TM4SF18: variants seen among roughly 807,000 people sequenced by gnomAD.
TM4SF18 encodes the protein transmembrane 4 L6 family member 18.
In TM4SF18, 22 loss-of-function variants were observed where a neutral mutation model predicts 23.8. The observed-to-expected ratio is 0.92, with a 90% CI of 0.66 to 1.32. TM4SF18 has a LOEUF of 1.32. Ranked by LOEUF, TM4SF18 falls within the 40% of genes most tolerant of loss-of-function variation. The pLI, the probability that TM4SF18 is intolerant of heterozygous loss-of-function variation, is 0.00. For synonymous variants in TM4SF18, 87 were observed against 87.9 expected, an observed-to-expected ratio of 0.99 and a Z score of 0.06; for missense variants, 255 against 240.3, an observed-to-expected ratio of 1.06 and a Z score of -0.41.
intron 2 of TM4SF18, among the ~76,000 whole-genome samples, chr3:149,331,641 A>G (rs1731088909): frequency 6.6e-6 from 1 of 152,214 alleles, no homozygotes; most frequent in African/African-American, 2.4e-5. Flanking sequence ...AACTGTTGAA[A>G]GAGACACTGC....
Position 149,330,345 on chromosome 3 carries a change from G to A in TM4SF18, c.252C>T (p.Cys84=). The A allele has an allele frequency of 6.2e-7, 1 of 1,610,762 alleles. No individual in the cohort carries two copies. Among genetic ancestry groups the A allele is most frequent in the Non-Finnish European group, 8.5e-7 (1 of 1,178,222 alleles). The change falls in exon 3 of 6, where the codon TGC becomes TGT. Residue 84 remains cysteine (C), a synonymous_variant. Coordinates refer to ENST00000296059, the MANE Select transcript of TM4SF18 (RefSeq NM_138786.4). ...NNYKCCQSEN[C]SKKYVTLLSI... is the part of the protein sequence containing the mutation. ...TTGCTCTTACCACATATTTTTTGCT[G>A]CAGTTTTCACTCTGGCAACATTTAT...
intron 2 of TM4SF18, among the ~76,000 whole-genome samples, chr3:149,332,244 T>G (rs1559992641): frequency 6.6e-6 from 1 of 152,184 alleles, no homozygotes; most frequent in South Asian, 2.1e-4. Context: ...AATAACTAAA[T>G]GAAAATTGCT....
intron 5 of TM4SF18, 35 bp downstream of exon 5, chr3:149,322,221 T>A: frequency 6.4e-7 from 1 of 1,552,828 alleles, no homozygotes; most frequent in Non-Finnish European, 8.7e-7. Context: ...GGGGGAAATA[T>A]GGATGAGCTA....
At position 149,318,948 on chromosome 3, in the gene TM4SF18, A is replaced by T. The variant is rs1730737995; in HGVS notation, c.*2530T>A. 1 of 152,186 alleles carries T rather than the reference A, an allele frequency of 6.6e-6. No individual in the cohort carries two copies. The highest frequency in any genetic ancestry group is 6.5e-5 in the Admixed American group (1 of 15,284). The allele number at this position is 152,186 out of a possible 1,614,324, so 9.4% of individuals were successfully genotyped here. A position where few individuals can be genotyped will look rare whatever the true frequency, so the allele number is the denominator to read the frequency against. On this transcript the variant is annotated 3_prime_UTR_variant, in exon 6 of 6. Coordinates refer to ENST00000296059, the MANE Select transcript of TM4SF18 (RefSeq NM_138786.4). The stretch of plus-strand genomic sequence containing the variant: ...TCACGAGGATATAAAACACATATTC[A>T]GCTTTTTTTGTATTCAGCTTTTTTT...
At chr3:149,333,029 CAG>C (rs1427110271) in intron 2 of TM4SF18, among the ~76,000 whole-genome samples, 175 bp downstream of exon 2, 1 of 152,196 alleles carries the variant, frequency 6.6e-6, no homozygotes, top group Non-Finnish European at 1.5e-5. Context: ...TTATTGAAAA[CAG>C]AGCTATGTCC....
chr3:149,324,868 A>G lies in TM4SF18; in HGVS notation c.410+12T>C. 1 of 1,613,886 alleles carries G rather than the reference A, an allele frequency of 6.2e-7. No individual in the cohort carries two copies. Among genetic ancestry groups the G allele is most frequent in the African/African-American group, 1.3e-5 (1 of 75,042 alleles). Reference sequence around the variant, plus strand: ...TTTTCCGACCTCCTTGGTTTGGGGAATTATTCCTTACCGTCCAGCAGTGCC... The same window carrying G: ...TTTTCCGACCTCCTTGGTTTGGGGAGTTATTCCTTACCGTCCAGCAGTGCC... On this transcript the variant is annotated intron_variant, in intron 4 of 5. Transcript: ENST00000296059.
intron 3 of TM4SF18, among the ~76,000 whole-genome samples, chr3:149,327,575 A>T (rs1190094289): frequency 2.0e-5 from 3 of 152,180 alleles, no homozygotes; most frequent in Non-Finnish European, 2.9e-5. Context: ...AGAAATGTTG[A>T]TTGCAGGGTG....
intron 3 of TM4SF18, among the ~76,000 whole-genome samples, chr3:149,328,616 A>G (rs958123951): frequency 3.9e-5 from 6 of 152,192 alleles, no homozygotes; most frequent in African/African-American, 1.4e-4. Context: ...TTACATAAAA[A>G]TCCATATTTT....
intron 4 of TM4SF18, among the ~76,000 whole-genome samples, chr3:149,323,349 C>A (rs1002697950): frequency 6.6e-6 from 1 of 152,144 alleles, no homozygotes; most frequent in African/African-American, 2.4e-5. Flanking sequence ...CTATCTCATA[C>A]CCCCATTTAC....
At chr3:149,331,599 C>T (rs1001283740) in intron 2 of TM4SF18, among the ~76,000 whole-genome samples, 15 of 152,234 alleles carry the variant, frequency 9.9e-5, no homozygotes, top group African/African-American at 3.6e-4. Context: ...GATAATTTGA[C>T]CTAGAGCCTG....
Position 149,324,897 on chromosome 3 carries a change from A to G in TM4SF18, c.393T>C (p.Phe131=), listed in dbSNP as rs746425743. ...CRTLDGWEYA[F]EGTAGRFLTD... ...TTCCTTACCGTCCAGCAGTGCCTTCAAAAGCATACTCCCAGCCATCAAGGG... is the reference window on the plus strand; with the variant it reads ...TTCCTTACCGTCCAGCAGTGCCTTCGAAAGCATACTCCCAGCCATCAAGGG... Residue 131 remains phenylalanine (F), a synonymous_variant, in exon 4 of 6, where the codon TTT becomes TTC. Transcript: ENST00000296059. The G allele has an allele frequency of 1.2e-6, 2 of 1,614,044 alleles. No homozygotes were observed.
At chr3:149,325,908 T>C (rs938273799) in intron 3 of TM4SF18, among the ~76,000 whole-genome samples, 3 of 152,222 alleles carry the variant, frequency 2.0e-5, no homozygotes, top group African/African-American at 7.2e-5. Flanking sequence ...TAGAATCACC[T>C]ACATGAATAT....
chr3:149,321,473 C>G lies in TM4SF18; in HGVS notation c.*5G>C. On this transcript the variant is annotated 3_prime_UTR_variant, in exon 6 of 6. Transcript: ENST00000296059. ...TCTTGATAATGGAAAACATTTTGTC[C>G]TTATTCAAATGATTCCAGGCTATAG... The G allele has an allele frequency of 6.4e-7, 1 of 1,569,610 alleles. No homozygotes were observed. The highest frequency in any genetic ancestry group is 8.7e-7 in the Non-Finnish European group (1 of 1,153,338).
intron 4 of TM4SF18, among the ~76,000 whole-genome samples, chr3:149,323,389 T>C (rs920592367): frequency 7.2e-5 from 11 of 152,162 alleles, no homozygotes; most frequent in South Asian, 4.1e-4. Context: ...GCCAGGGAAA[T>C]GAGTCCCTCC....
chr3:149,322,969 C>G (rs1730848026), intron 4 of TM4SF18, among the ~76,000 whole-genome samples: 1 of 148,848 alleles, frequency 6.7e-6, no homozygotes, highest in Admixed American at 6.7e-5. Flanking sequence ...AGTGGCGCAT[C>G]TTCGCTCACT....
chr3:149,322,689 C>T (rs796211743), intron 4 of TM4SF18, among the ~76,000 whole-genome samples: 40 of 152,108 alleles, frequency 2.6e-4, no homozygotes, highest in African/African-American at 9.4e-4. Flanking sequence ...TCTCCCTCTT[C>T]CATTTCTTTC....
intron 2 of TM4SF18, among the ~76,000 whole-genome samples, chr3:149,331,125 G>A (rs182853990): frequency 6.6e-6 from 1 of 152,004 alleles, no homozygotes; most frequent in Non-Finnish European, 1.5e-5. Flanking sequence ...ATCATGAATT[G>A]CTTATGGGAA....
At chr3:149,331,363 G>T (rs1731083672) in intron 2 of TM4SF18, among the ~76,000 whole-genome samples, 1 of 152,074 alleles carries the variant, frequency 6.6e-6, no homozygotes, top group Non-Finnish European at 1.5e-5. Context: ...GAAAAAAATA[G>T]AGAACAGGTT....
chr3:149,324,046 T>A (rs990690579), intron 4 of TM4SF18, among the ~76,000 whole-genome samples: 1 of 152,218 alleles, frequency 6.6e-6, no homozygotes, highest in African/African-American at 2.4e-5. Context: ...AAGCTAATCA[T>A]GGAGAGTTGA....
Sources: gnomAD v4.1 joint callset for allele counts (sites outside exome capture counted in the v4.1 genomes callset) on GRCh38, gnomAD v4.1.1 for gene constraint, MANE v1.5 for transcripts, NCBI Gene and HGNC (gene_info 2026-07-23, HGNC 2026-07-21) for gene names.